KAZN: variants seen among roughly 807,000 people sequenced by gnomAD.
KAZN encodes the protein kazrin, periplakin interacting protein, also known as kazrin.
A neutral mutation model predicts 87.4 loss-of-function variants in KAZN; 40 were observed. The ratio of observed to expected loss-of-function variants is 0.46; its 90% CI spans 0.36 to 0.60. The LOEUF is 0.60. Among genes scored for constraint, KAZN ranks in the 20% least tolerant of loss-of-function variants. KAZN has a pLI of 0.00. For missense variants in KAZN, 898 were observed against 1,073.9 expected, an observed-to-expected ratio of 0.84 and a Z score of 2.29; for synonymous variants, 466 against 458.3, an observed-to-expected ratio of 1.02 and a Z score of -0.22.
chr1:15,097,225 A>C (rs1324148290), intron 10 of KAZN, among the ~76,000 whole-genome samples: 1 of 152,008 alleles, frequency 6.6e-6, no homozygotes, highest in African/African-American at 2.4e-5. Flanking sequence ...AAATACACAA[A>C]ACTTCACAAC....
rs542038883 is a variant in KAZN, at chr1:14,556,113, C to CTT, written c.250-42856_250-42855dup. Among the ~76,000 whole-genome samples the CTT allele has an allele frequency of 9.1e-4, 127 of 140,210 alleles. 1 individual carries two copies. The highest frequency in any genetic ancestry group is 1.9e-3 in the Admixed American group (27 of 13,960). The allele number at this position is 140,210 out of a possible 152,430, so 92.0% of individuals were successfully genotyped here. A position where few individuals can be genotyped will look rare whatever the true frequency, so the allele number is the denominator to read the frequency against. On this transcript the variant is annotated intron_variant, in intron 2 of 16. Transcript: ENST00000636203. ...TTCGGGAGAAGAGCAGTTCTTTTTA[C>CTT]TTTTTTTTTTTTTTTCAGTCGGAGT...
chr1:14,537,090 T>A (rs1410568964), intron 2 of KAZN, among the ~76,000 whole-genome samples: 2 of 152,228 alleles, frequency 1.3e-5, no homozygotes, highest in Non-Finnish European at 2.9e-5. Flanking sequence ...TAAATATTTG[T>A]TGAGTGAACA....
chr1:14,966,673 G>GT (rs201856070), intron 2 of KAZN, among the ~76,000 whole-genome samples: 41 of 151,292 alleles, frequency 2.7e-4, no homozygotes, highest in African/African-American at 6.5e-4. Flanking sequence ...TTTTACCCAC[G>GT]TTTTTTTTTC....
chr1:15,109,973 A>G (rs1458904331), intron 13 of KAZN, among the ~76,000 whole-genome samples: 2 of 134,896 alleles, frequency 1.5e-5, no homozygotes, highest in African/African-American at 2.7e-5. Context: ...GTGTGTTTGT[A>G]TGTTTGTATG....
chr1:14,416,603 G>A (rs891821533), intron 2 of KAZN, among the ~76,000 whole-genome samples: 2 of 152,082 alleles, frequency 1.3e-5, no homozygotes, highest in Non-Finnish European at 2.9e-5. Flanking sequence ...CGGGCATGGT[G>A]GTGGGCACCT....
At chr1:14,119,925 T>C (rs78370348) in intron 1 of KAZN, among the ~76,000 whole-genome samples, 1 of 42,586 alleles carries the variant, frequency 2.3e-5, no homozygotes, top group Non-Finnish European at 4.0e-5. Context: ...GTGTACGATC[T>C]ATTTGGTGTG....
At chr1:14,405,879 T>C (rs1000624988) in intron 2 of KAZN, among the ~76,000 whole-genome samples, 5 of 151,892 alleles carry the variant, frequency 3.3e-5, no homozygotes, top group Non-Finnish European at 7.4e-5. Context: ...TCAACCTTTT[T>C]GTTCTATCCA....
intron 1 of KAZN, among the ~76,000 whole-genome samples, chr1:14,791,239 C>T (rs939187808): frequency 1.3e-5 from 2 of 152,150 alleles, no homozygotes; most frequent in Admixed American, 6.5e-5. Flanking sequence ...TTTCATCACC[C>T]GGGAGGCAGA....
intron 1 of KAZN, among the ~76,000 whole-genome samples, chr1:14,625,774 C>A (rs763601745): frequency 6.6e-6 from 1 of 152,206 alleles, no homozygotes; most frequent in Non-Finnish European, 1.5e-5. Context: ...GATGTGATTT[C>A]TTCTCAGGGA....
At chr1:14,764,621 G>A (rs1437015896) in intron 1 of KAZN, among the ~76,000 whole-genome samples, 1 of 151,996 alleles carries the variant, frequency 6.6e-6, no homozygotes, top group African/African-American at 2.4e-5. Flanking sequence ...GTAAACCTTA[G>A]TAGAACAAAT....
At chr1:14,443,399 C>T (rs1229190403) in intron 2 of KAZN, among the ~76,000 whole-genome samples, 2 of 152,130 alleles carry the variant, frequency 1.3e-5, no homozygotes, top group African/African-American at 2.4e-5. Context: ...AGATAAGACA[C>T]GAGACACATC....
chr1:15,034,881 G>T lies in KAZN; in HGVS notation c.551G>T (p.Arg184Leu), dbSNP rs763675136. ...RDFIRNYEQH[R>L]KESEDAVKAL... ...TTCATCCGCAACTATGAGCAGCACC[G>T]CAAGGTCAGCCGCCGCCCTGCCCTC... The change falls in exon 3 of 15, where the codon CGC (arginine) becomes CTC (leucine). Residue 184 changes from arginine to leucine, a missense_variant. This residue lies in a region of KAZN where 250 missense variants were observed against 263.0 expected (regional missense o/e 0.95). Coordinates refer to ENST00000376030, the MANE Select transcript of KAZN (RefSeq NM_201628.3). 5 of 1,613,550 alleles carry T rather than the reference G, an allele frequency of 3.1e-6. No homozygotes were observed. In the South Asian group the frequency reaches 4.4e-5, roughly 14 times the overall value.
At chr1:14,557,208 C>T (rs1673937362) in intron 2 of KAZN, among the ~76,000 whole-genome samples, 1 of 152,074 alleles carries the variant, frequency 6.6e-6, no homozygotes, top group Admixed American at 6.6e-5. Context: ...TTAAGTTATC[C>T]CCAACACCTG....
In KAZN at chr1:15,094,080, G is replaced by C; in HGVS notation, c.1223-100G>C. On this transcript the variant is annotated intron_variant, in intron 8 of 14. Transcript: ENST00000376030. This position sits in a 1 kb window ranked among gnomAD's most constrained non-coding sequence, Gnocchi z 4.5. Reference sequence around the variant, plus strand: ...TTTTGAAGAGAATACATGGAGGGGAGGATGTCCCCACCACCCTCTGCCTCC... The same window carrying C: ...TTTTGAAGAGAATACATGGAGGGGACGATGTCCCCACCACCCTCTGCCTCC... 1 of 998,106 alleles carries C rather than the reference G, an allele frequency of 1.0e-6. No homozygotes were observed. Among genetic ancestry groups the C allele is most frequent in the Non-Finnish European group, 1.5e-6 (1 of 671,562 alleles). The allele number at this position is 998,106 out of a possible 1,614,324, so 61.8% of individuals were successfully genotyped here.
chr1:14,664,459 G>C (rs1010736879), intron 1 of KAZN, among the ~76,000 whole-genome samples: 1 of 152,144 alleles, frequency 6.6e-6, no homozygotes, highest in Admixed American at 6.5e-5. Context: ...GCGGTTGCCA[G>C]GGGCAACCAT....
chr1:14,894,612 G>A (rs1364756183), intron 1 of KAZN, among the ~76,000 whole-genome samples: 2 of 152,234 alleles, frequency 1.3e-5, no homozygotes, highest in Non-Finnish European at 2.9e-5. Flanking sequence ...CTCAGTCTGA[G>A]TTAGGGTCAC....
chr1:14,395,003 C>T (rs1431537903), intron 2 of KAZN, among the ~76,000 whole-genome samples: 1 of 152,162 alleles, frequency 6.6e-6, no homozygotes, highest in Non-Finnish European at 1.5e-5. Context: ...GCAAAGACTG[C>T]CTAACTCACC....
At chr1:14,038,081 G>A (rs575313470) in intron 1 of KAZN, among the ~76,000 whole-genome samples, 24 of 152,168 alleles carry the variant, frequency 1.6e-4, no homozygotes, top group African/African-American at 4.6e-4. Context: ...TTATTTATTT[G>A]TTCAGTAAGG....
intron 2 of KAZN, among the ~76,000 whole-genome samples, chr1:14,257,106 TG>T (rs1272010906): frequency 6.6e-6 from 1 of 152,202 alleles, no homozygotes; most frequent in Non-Finnish European, 1.5e-5. Context: ...TCCTTATTTT[TG>T]CCTGTTCAGC....
Sources: gnomAD v4.1 joint callset for allele counts (sites outside exome capture counted in the v4.1 genomes callset) on GRCh38, gnomAD v4.1.1 for gene constraint, gnomAD v4.1.1 regional missense constraint, Gnocchi (gnomAD v3.1) non-coding constraint, MANE v1.5 for transcripts, NCBI Gene and HGNC (gene_info 2026-07-23, HGNC 2026-07-21) for gene names.